The following MYO5C variants were observed in gnomAD, a reference collection of about 807,000 sequenced individuals.
MYO5C encodes myosin VC, also known as unconventional myosin-Vc.
A neutral mutation model predicts 235.7 loss-of-function variants in MYO5C; 194 were observed. That is an observed-to-expected ratio of 0.82 (90% CI 0.73 to 0.93). The LOEUF (loss-of-function observed/expected upper bound fraction) is 0.93, where lower values mean the gene tolerates loss of function less well. Ranked by LOEUF, MYO5C falls within the 40% of genes least tolerant of loss-of-function variation. MYO5C has a pLI of 0.00. For missense variants in MYO5C, 2,038 were observed against 2,127.2 expected, an observed-to-expected ratio of 0.96 and a Z score of 0.82; for synonymous variants, 707 against 754.8, an observed-to-expected ratio of 0.94 and a Z score of 1.04.
chr15:52,277,722 G>T (rs1566991732), intron 4 of MYO5C: 1 of 400,508 alleles, frequency 2.5e-6, no homozygotes, highest in Admixed American at 2.8e-5. Context: ...CCCTGAGGAT[G>T]ACGGCCCCAC....
chr15:52,252,335 C>T (rs1278916731), intron 12 of MYO5C, among the ~76,000 whole-genome samples: 2 of 152,140 alleles, frequency 1.3e-5, no homozygotes, highest in East Asian at 1.9e-4. Flanking sequence ...TCCCCTGCCT[C>T]AGGAAAATAG....
In MYO5C at chr15:52,275,734, GT is replaced by G; in HGVS notation, c.450-17del. ...TCTGTTGTTTCTAAAGCAAATAAAA[GT>G]TTTCAAATATTAGTTTCTTCCCATT... On this transcript the variant is annotated splice_polypyrimidine_tract_variant and intron_variant, in intron 4 of 40. Transcript: ENST00000261839. 3 of 1,612,798 alleles carry G rather than the reference GT, an allele frequency of 1.9e-6. No individual in the cohort carries two copies. Among genetic ancestry groups the G allele is most frequent in the Non-Finnish European group, 2.5e-6 (3 of 1,178,862 alleles).
chr15:52,256,513 C>G (rs368470730), intron 11 of MYO5C, 126 bp downstream of exon 11: 35 of 650,462 alleles, frequency 5.4e-5, no homozygotes, highest in African/African-American at 4.4e-4. Flanking sequence ...CGTGAGGCTC[C>G]TTGCATAAAA....
chr15:52,218,458 C>T, intron 32 of MYO5C, 61 bp downstream of exon 32: 1 of 1,505,334 alleles, frequency 6.6e-7, no homozygotes, highest in Non-Finnish European at 9.2e-7. Flanking sequence ...GTGGCATGTC[C>T]CCCCTTTCAG....
At chr15:52,223,302 C>T (rs952644457) in intron 29 of MYO5C, among the ~76,000 whole-genome samples, 2 of 152,168 alleles carry the variant, frequency 1.3e-5, no homozygotes, top group Admixed American at 1.3e-4. Context: ...TACACACTTA[C>T]GCGCACACAC....
chr15:52,257,604 C>CTT, intron 10 of MYO5C, among the ~76,000 whole-genome samples: 1 of 152,208 alleles, frequency 6.6e-6, no homozygotes, highest in East Asian at 1.9e-4. Context: ...TTGCTGAGCA[C>CTT]TTTTAAGGTG....
At chr15:52,218,807 A>G (rs2035611986) in intron 31 of MYO5C, 120 bp from the exon 32 acceptor site, 5 of 992,664 alleles carry the variant, frequency 5.0e-6, no homozygotes, top group Non-Finnish European at 7.4e-6. Context: ...ATTTCTGTGT[A>G]AAGCAAATAG....
chr15:52,235,694 G>A lies in MYO5C; in HGVS notation c.2938C>T (p.Gln980Ter), dbSNP rs781622694. The change falls in exon 23 of 41, where the codon CAA (glutamine) becomes TAA (stop). Residue 980 changes from glutamine (Q) to a stop codon, truncating the protein, a stop_gained. Coordinates refer to ENST00000261839, the MANE Select transcript of MYO5C (RefSeq NM_018728.4). LOFTEE classifies it high-confidence loss of function. Reference protein sequence around the residue: ...TQKEQIQLKLQEKTEELKEKM... With the variant: ...TQKEQIQLKL The stretch of plus-strand genomic sequence containing the variant: ...CCTTTTAACTCTTCAGTCTTCTCTT[G>A]AAGCTTCAGCTGTATTTGTTCTTTC... 3.7e-6 allele frequency: 6 copies of A among 1,611,994 alleles called. No homozygotes were observed. The highest frequency in any genetic ancestry group is 5.1e-6 in the Non-Finnish European group (6 of 1,179,000).
chr15:52,194,218 A>T (rs2034997018), intron 40 of MYO5C, among the ~76,000 whole-genome samples, 164 bp from the exon 41 acceptor site: 1 of 152,240 alleles, frequency 6.6e-6, no homozygotes, highest in African/African-American at 2.4e-5. Flanking sequence ...ACAATTCCAA[A>T]GTCTATCCAG....
chr15:52,219,079 A>G (rs1012237979), intron 31 of MYO5C, among the ~76,000 whole-genome samples: 5 of 152,220 alleles, frequency 3.3e-5, no homozygotes, highest in African/African-American at 1.2e-4. Flanking sequence ...AGGAGAGACC[A>G]TTAGAAGAGT....
Position 52,247,584 on chromosome 15 carries a change from G to C in MYO5C, c.1755C>G (p.Leu585=). The change falls in exon 15 of 41, where the codon CTC becomes CTG. Residue 585 remains leucine, a synonymous_variant. Transcript: ENST00000261839. ...GATTTTCTTGAAAAAAGTTGGCACA[G>C]AGATGAAACTGGAAGGAACAGAGAG... The part of the protein sequence containing the change: ...VEILRASKFH[L]CANFFQENPT... The C allele has an allele frequency of 6.2e-7, 1 of 1,614,174 alleles. No individual in the cohort carries two copies. The highest frequency in any genetic ancestry group is 8.5e-7 in the Non-Finnish European group (1 of 1,180,012).
At position 52,221,187 on chromosome 15, in the gene MYO5C, C is replaced by G; in HGVS notation, c.3696G>C (p.Leu1232=). 6.2e-7 allele frequency: 1 copy of G among 1,612,906 alleles called. No individual in the cohort carries two copies. The highest frequency in any genetic ancestry group is 8.5e-7 in the Non-Finnish European group (1 of 1,179,434). The part of the protein sequence containing the change: ...EKQKQDLEIR[L]NEQAEKMKGK... ...CTTTCATTTTCTCAGCTTGTTCATT[C>G]AGGCGGATTTCAAGATCTTGCTTCT... The change falls in exon 30 of 41, where the codon CTG becomes CTC. Residue 1232 remains leucine (L), a synonymous_variant. Coordinates refer to ENST00000261839, the MANE Select transcript of MYO5C (RefSeq NM_018728.4).
rs749596996 is a variant in MYO5C at position 52,271,828 on chromosome 15, T to G, written c.767A>C (p.Asn256Thr). 62 of 1,588,792 alleles carry G rather than the reference T, an allele frequency of 3.9e-5. No homozygotes were observed. Among genetic ancestry groups the G allele is most frequent in the Non-Finnish European group, 5.0e-5 (58 of 1,162,668 alleles). Residue 256 changes from asparagine (N) to threonine (T), a missense_variant, in exon 7 of 41, where the codon AAT (asparagine) becomes ACT (threonine). Physicochemically the swap from Asn to Thr is moderately conservative, Grantham distance 65. Transcript: ENST00000261839. ...RVVFQSENERNYHIFYQLCAS... is the reference protein window; with the variant it reads ...RVVFQSENERTYHIFYQLCAS... ...ACAAAGCTGATAGAAAATGTGGTAA[T>G]TTCGTTCATTTTCCGACTGTAAGAT... is the stretch of plus-strand genomic sequence containing the variant.
intron 38 of MYO5C, among the ~76,000 whole-genome samples, chr15:52,199,959 C>G (rs562384864): frequency 6.6e-6 from 1 of 152,284 alleles, no homozygotes; most frequent in Admixed American, 6.5e-5. Context: ...AGGGAGGAGC[C>G]TGGGAAAGTT....
chr15:52,279,909 G>A (rs968793202), intron 2 of MYO5C, among the ~76,000 whole-genome samples: 1 of 152,140 alleles, frequency 6.6e-6, no homozygotes, highest in Admixed American at 6.5e-5. Flanking sequence ...CACCCTCTCT[G>A]GGCCTCACTT....
chr15:52,237,633 T>C lies in MYO5C; in HGVS notation c.2717A>G (p.His906Arg). The C allele has an allele frequency of 6.2e-7, 1 of 1,612,126 alleles. No homozygotes were observed. Residue 906 changes from histidine (H) to arginine (R), a missense_variant, in exon 22 of 41, where the codon CAT becomes CGT. Physicochemically the swap from His to Arg is conservative, Grantham distance 29 (BLOSUM62 0). Transcript: ENST00000261839. Reference sequence around the variant, plus strand: ...GCTAGTCAGCTTCTCCACCAGCCCATGGTTTTCTTTGTTCTAGAGAAAAGA... The same window carrying C: ...GCTAGTCAGCTTCTCCACCAGCCCACGGTTTTCTTTGTTCTAGAGAAAAGA... ...KKLEDQNKEN[H>R]GLVEKLTSLA... is the part of the protein sequence containing the mutation.
intron 24 of MYO5C, 136 bp from the exon 25 acceptor site, chr15:52,229,449 C>A (rs2035902786): frequency 6.8e-6 from 5 of 739,356 alleles, no homozygotes; most frequent in South Asian, 3.8e-5. Context: ...ACAAGAGAGA[C>A]CCCGTCCCCA....
intron 1 of MYO5C, among the ~76,000 whole-genome samples, chr15:52,294,341 G>A (rs1026582774): frequency 4.1e-4 from 62 of 152,250 alleles, no homozygotes; most frequent in African/African-American, 1.4e-3. Flanking sequence ...AGGGCTCACA[G>A]TCTCACTGGT....
At chr15:52,250,759 G>A (rs1566979537) in intron 13 of MYO5C, among the ~76,000 whole-genome samples, 1 of 152,198 alleles carries the variant, frequency 6.6e-6, no homozygotes, top group East Asian at 1.9e-4. Flanking sequence ...ACCAGGACAT[G>A]GGAGGAGGTA....
Sources: allele counts gnomAD v4.1 joint callset (sites outside exome capture counted in the v4.1 genomes callset), GRCh38; gene constraint gnomAD v4.1.1; transcripts MANE v1.5; gene names NCBI Gene and HGNC (gene_info 2026-07-23, HGNC 2026-07-21).